Variants in THSD4 observed in about 807,000 individuals in gnomAD.
THSD4 encodes thrombospondin type 1 domain containing 4.
Under a neutral mutation model 119.0 loss-of-function variants are expected in THSD4, and 69 were observed. The observed-to-expected ratio is 0.58, with a 90% CI of 0.48 to 0.71. The LOEUF (loss-of-function observed/expected upper bound fraction) is 0.71, where lower values mean the gene tolerates loss of function less well. THSD4 is among the 30% of genes least tolerant of loss of function. The pLI is 0.00. For synonymous variants in THSD4, 524 were observed against 540.4 expected, an observed-to-expected ratio of 0.97 and a Z score of 0.42; for missense variants, 1,393 against 1,391.1, an observed-to-expected ratio of 1.00 and a Z score of -0.02.
Position 71,215,355 on chromosome 15 carries a change from C to T in THSD4, c.420C>T (p.Ser140=), listed in dbSNP as rs543541836. 19 of 1,532,088 alleles carry T rather than the reference C, an allele frequency of 1.2e-5. No homozygotes were observed. The African/African-American group carries it at 2.5e-4, about 20-fold the overall frequency. The allele number at this position is 1,532,088 out of a possible 1,614,324, so 94.9% of individuals were successfully genotyped here. The change falls in exon 4 of 18, where the codon AGC becomes AGT. Residue 140 remains serine (S), a synonymous_variant. Transcript: ENST00000261862. Reference sequence around the variant, plus strand: ...AGGGCCCCACGGTGCTGCGAGGCAGCCGGCACCCACAGCCCCAGGGCCTCG... The same window carrying T: ...AGGGCCCCACGGTGCTGCGAGGCAGTCGGCACCCACAGCCCCAGGGCCTCG... The part of the protein sequence containing the change: ...SRQGPTVLRG[S]RHPQPQGLEV...
intron 6 of THSD4, among the ~76,000 whole-genome samples, chr15:71,371,998 A>G (rs2046057438): frequency 6.6e-6 from 1 of 151,946 alleles, no homozygotes; most frequent in Non-Finnish European, 1.5e-5. Flanking sequence ...TTTTTTCTCT[A>G]AACTTCTCTT....
intron 8 of THSD4, among the ~76,000 whole-genome samples, chr15:71,726,362 G>A (rs1197303991): frequency 4.6e-5 from 7 of 152,066 alleles, no homozygotes; most frequent in Admixed American, 1.3e-4. Context: ...GTAGGAACGC[G>A]GCTGAAAAAA....
intron 8 of THSD4, among the ~76,000 whole-genome samples, chr15:71,677,702 A>G (rs1041254346): frequency 1.3e-5 from 2 of 152,058 alleles, no homozygotes; most frequent in Non-Finnish European, 2.9e-5. Context: ...CTTTGTATTG[A>G]TAGTTAGCAC....
intron 7 of THSD4, among the ~76,000 whole-genome samples, chr15:71,645,997 A>G (rs1476672460): frequency 6.6e-6 from 1 of 152,150 alleles, no homozygotes; most frequent in Non-Finnish European, 1.5e-5. Flanking sequence ...TCTGCTATTC[A>G]CTACCATATT....
intron 7 of THSD4, among the ~76,000 whole-genome samples, chr15:71,459,743 T>G (rs1453926417): frequency 1.3e-5 from 2 of 152,202 alleles, no homozygotes; most frequent in Non-Finnish European, 2.9e-5. Flanking sequence ...TAACTAACCT[T>G]ACTTAAGAAT....
At chr15:71,327,698 A>G (rs1049684090) in intron 6 of THSD4, among the ~76,000 whole-genome samples, 14 of 152,160 alleles carry the variant, frequency 9.2e-5, no homozygotes, top group Non-Finnish European at 1.8e-4. Flanking sequence ...ATGGCATTCA[A>G]TGCATAAAGC....
At chr15:71,416,695 C>CATTTT (rs201029327) in intron 7 of THSD4, among the ~76,000 whole-genome samples, 7,117 of 96,378 alleles carry the variant, frequency 0.074, 2,223 homozygotes, top group African/African-American at 0.24. Flanking sequence ...TATTTTGTTT[C>CATTTT]ATTTTATTTT....
chr15:71,552,295 G>A (rs2048944290), intron 7 of THSD4, among the ~76,000 whole-genome samples: 1 of 152,160 alleles, frequency 6.6e-6, no homozygotes, highest in Admixed American at 6.5e-5. Flanking sequence ...GTGTCATTTA[G>A]GTCATCATTG....
At position 71,556,764 on chromosome 15, in the gene THSD4, TAAAAA is replaced by T. The variant is rs61509514; in HGVS notation, c.1153-103755_1153-103751del. Among the ~76,000 whole-genome samples the T allele has an allele frequency of 2.4e-4, 33 of 138,604 alleles. No individual in the cohort carries two copies. In the East Asian group the frequency reaches 6.4e-3, roughly 27 times the overall value. The allele number at this position is 138,604 out of a possible 152,430, so 90.9% of individuals were successfully genotyped here. On this transcript the variant is annotated intron_variant, in intron 7 of 17. Transcript: ENST00000261862. ...TGGGTGGCAGAGTAAGACCCTGTCT[TAAAAA>T]AAAAAAAAAAGTACAACTGATGTTA...
chr15:71,521,474 A>G (rs748465405), intron 7 of THSD4, among the ~76,000 whole-genome samples: 1 of 152,196 alleles, frequency 6.6e-6, no homozygotes, highest in Non-Finnish European at 1.5e-5. Context: ...ACATGGGTGG[A>G]TGATCGGATC....
chr15:71,312,487 G>T (rs2045125290), intron 6 of THSD4, among the ~76,000 whole-genome samples: 1 of 152,134 alleles, frequency 6.6e-6, no homozygotes, highest in African/African-American at 2.4e-5. Flanking sequence ...GAGCTGAGGA[G>T]AGAGGCCTCG....
intron 6 of THSD4, among the ~76,000 whole-genome samples, chr15:71,377,889 C>CACACACACACACACACACACACACAA (rs2046166379): frequency 4.8e-5 from 4 of 84,000 alleles, no homozygotes; most frequent in Non-Finnish European, 9.8e-5. Flanking sequence ...CACACACACA[C>CACACACACACACACACACACACACAA]ACACACACAC....
At chr15:71,157,095 T>C (rs1398563052) in intron 3 of THSD4, among the ~76,000 whole-genome samples, 4 of 152,206 alleles carry the variant, frequency 2.6e-5, no homozygotes, top group African/African-American at 9.7e-5. Flanking sequence ...CAATTTACTG[T>C]GTTCCTCTTG....
chr15:71,272,978 A>G (rs1046713439), intron 6 of THSD4, among the ~76,000 whole-genome samples: 3 of 152,190 alleles, frequency 2.0e-5, no homozygotes, highest in Non-Finnish European at 4.4e-5. Context: ...TTTGGAAAAC[A>G]GTATGGAAGT....
intron 7 of THSD4, among the ~76,000 whole-genome samples, chr15:71,460,554 C>G (rs925187660): frequency 6.6e-6 from 1 of 152,066 alleles, no homozygotes; most frequent in South Asian, 2.1e-4. Context: ...CAGAAGCTGA[C>G]GGTAATGCCC....
chr15:71,696,006 G>A lies in THSD4; in HGVS notation c.1358-32543G>A, dbSNP rs146101125. On this transcript the variant is annotated intron_variant, in intron 8 of 17. Transcript: ENST00000261862. ...TGAGTTAATACAGATAAAGCATGCA[G>A]GATGTGCCTGGGGCACAGAGAGGCC... is the stretch of plus-strand genomic sequence containing the variant. Among the ~76,000 whole-genome samples the A allele has an allele frequency of 4.0e-3, 614 of 152,330 alleles. 8 individuals carry two copies. Among genetic ancestry groups the A allele is most frequent in the African/African-American group, 0.014 (595 of 41,564 alleles).
chr15:71,668,979 A>G (rs141681476), intron 8 of THSD4, among the ~76,000 whole-genome samples: 6 of 152,308 alleles, frequency 3.9e-5, no homozygotes, highest in African/African-American at 1.2e-4. Context: ...CCTAATATGT[A>G]TATCTTTTCA....
At chr15:71,127,718 G>C (rs557579085) in intron 1 of THSD4, among the ~76,000 whole-genome samples, 1 of 152,244 alleles carries the variant, frequency 6.6e-6, no homozygotes, top group East Asian at 1.9e-4. Context: ...ATCTTTGTTT[G>C]AGAAATGTCT....
At chr15:71,357,204 C>A (rs962820776) in intron 6 of THSD4, among the ~76,000 whole-genome samples, 1 of 152,228 alleles carries the variant, frequency 6.6e-6, no homozygotes, top group Non-Finnish European at 1.5e-5. Flanking sequence ...GCTGGCCCCA[C>A]GGCTTGTGAT....
Sources: allele counts gnomAD v4.1 joint callset (sites outside exome capture counted in the v4.1 genomes callset), GRCh38; gene constraint gnomAD v4.1.1; transcripts MANE v1.5; gene names NCBI Gene and HGNC (gene_info 2026-07-23, HGNC 2026-07-21).